The following L3MBTL4 variants were observed in gnomAD, a reference collection of about 807,000 sequenced individuals.
L3MBTL4 encodes the protein L3MBTL histone methyl-lysine binding protein 4.
Under a neutral mutation model 84.5 loss-of-function variants are expected in L3MBTL4, and 70 were observed. That is an observed-to-expected ratio of 0.83 (90% CI 0.68 to 1.01). L3MBTL4 has a LOEUF of 1.01. Ranked by LOEUF, L3MBTL4 falls within the 50% of genes least tolerant of loss-of-function variation. L3MBTL4 has a pLI of 0.00. For synonymous variants in L3MBTL4, 274 were observed against 259.8 expected, an observed-to-expected ratio of 1.05 and a Z score of -0.52; for missense variants, 715 against 754.8, an observed-to-expected ratio of 0.95 and a Z score of 0.62.
chr18:6,246,631 A>G (rs2047675175), intron 5 of L3MBTL4, among the ~76,000 whole-genome samples: 1 of 152,126 alleles, frequency 6.6e-6, no homozygotes, highest in Admixed American at 6.5e-5. Flanking sequence ...GGGGCTGGGC[A>G]CGTGGCTCAT....
At chr18:5,982,054 T>G (rs1190566880) in intron 16 of L3MBTL4, among the ~76,000 whole-genome samples, 1 of 150,198 alleles carries the variant, frequency 6.7e-6, no homozygotes, top group African/African-American at 2.5e-5. Context: ...CTTGAAATGT[T>G]TAAATGGCAG....
At chr18:6,260,921 T>A (rs2048372282) in intron 5 of L3MBTL4, 1 of 152,250 alleles carries the variant, frequency 6.6e-6, no homozygotes, top group South Asian at 2.1e-4. Flanking sequence ...TATTAAAACC[T>A]ATTTTTAACT....
rs143720020 is a variant in L3MBTL4 at position 6,396,383 on chromosome 18, C to A, written c.-91+18418G>T. 2.2e-3 allele frequency: 331 copies of A among 153,348 alleles called. 8 individuals are homozygous for A. The East Asian group carries it at 0.053, about 24-fold the overall frequency. The allele number at this position is 153,348 out of a possible 1,614,324, so 9.5% of individuals were successfully genotyped here. A position where few individuals can be genotyped will look rare whatever the true frequency, so the allele number is the denominator to read the frequency against. On this transcript the variant is annotated intron_variant, in intron 1 of 18. Coordinates refer to ENST00000317931, the MANE Select transcript of L3MBTL4 (RefSeq NM_001330559.2). Reference sequence around the variant, plus strand: ...GTGCCCCTGGCAGGGATGGCACAGCCCCTTCTGCAGCCCAGACACCCGGAG... The same window carrying A: ...GTGCCCCTGGCAGGGATGGCACAGCACCTTCTGCAGCCCAGACACCCGGAG...
At chr18:6,218,432 A>T (rs1443795661) in intron 10 of L3MBTL4, among the ~76,000 whole-genome samples, 1 of 152,122 alleles carries the variant, frequency 6.6e-6, no homozygotes, top group East Asian at 1.9e-4. Context: ...TGACCAGTAC[A>T]TATGGTTGGA....
chr18:6,182,141 C>G (rs2044501832), intron 12 of L3MBTL4, among the ~76,000 whole-genome samples: 1 of 152,214 alleles, frequency 6.6e-6, no homozygotes, highest in Non-Finnish European at 1.5e-5. Context: ...TCCCTTTTCT[C>G]CACAATCTTG....
intron 16 of L3MBTL4, among the ~76,000 whole-genome samples, chr18:6,008,873 T>C (rs756919371): frequency 5.9e-5 from 9 of 152,330 alleles, no homozygotes; most frequent in South Asian, 4.1e-4. Flanking sequence ...GTCTGACGGA[T>C]TGACATAAAC....
chr18:6,414,684 C>T lies in L3MBTL4; in HGVS notation c.-91+117G>A, dbSNP rs1217699340. The T allele has an allele frequency of 6.6e-6, 1 of 152,044 alleles. No homozygotes were observed. The highest frequency in any genetic ancestry group is 1.5e-5 in the Non-Finnish European group (1 of 68,046). 9.4% of individuals were successfully genotyped at this position (152,044 alleles called of 1,614,324 possible). ...GCCCCCACCGGCCCGGCCCTCGCCG[C>T]GGGAGTCGTGCAGGCCCCTCTACCT... On this transcript the variant is annotated intron_variant, in intron 1 of 18. Transcript: ENST00000317931. The surrounding 1 kb of genome is among the most constrained non-coding windows in gnomAD (Gnocchi z 5.4).
chr18:6,264,074 A>G, intron 4 of L3MBTL4, 36 bp from the exon 5 acceptor site: 1 of 1,414,476 alleles, frequency 7.1e-7, no homozygotes, highest in South Asian at 1.2e-5. Flanking sequence ...TCTCAAAATG[A>G]TTAGTGACAG....
At chr18:6,171,610 T>C (rs2043973906) in intron 13 of L3MBTL4, among the ~76,000 whole-genome samples, 1 of 152,230 alleles carries the variant, frequency 6.6e-6, no homozygotes, top group African/African-American at 2.4e-5. Context: ...TGGAAAACAC[T>C]ATCAAAATAA....
At chr18:6,014,771 GAAAC>G (rs2054888549) in intron 16 of L3MBTL4, among the ~76,000 whole-genome samples, 2 of 152,128 alleles carry the variant, frequency 1.3e-5, no homozygotes, top group Non-Finnish European at 2.9e-5. Flanking sequence ...GAATATTGGG[GAAAC>G]TTTGGCGAGC....
rs1160931992 is a variant in L3MBTL4 at position 6,045,575 on chromosome 18, T to C, written c.1444+35306A>G. On this transcript the variant is annotated intron_variant, in intron 16 of 18. Transcript: ENST00000317931. ...GCAAAGACGGTTTGTGCAGGGAATCTCCCATTTTTAAAATCATCAGACCTC... is the reference window on the plus strand; with the variant it reads ...GCAAAGACGGTTTGTGCAGGGAATCCCCCATTTTTAAAATCATCAGACCTC... Among the ~76,000 whole-genome samples the C allele has an allele frequency of 2.0e-5, 3 of 152,200 alleles. 1 individual carries two copies.
Position 6,216,424 on chromosome 18 carries a change from A to G in L3MBTL4, c.785-589T>C, listed in dbSNP as rs1208826021. 2.0e-5 allele frequency among the ~76,000 whole-genome samples: 3 copies of G among 152,084 alleles called. No homozygotes were observed. The East Asian group carries it at 5.8e-4, about 29-fold the overall frequency. On this transcript the variant is annotated intron_variant, in intron 10 of 18. Transcript: ENST00000317931. Reference sequence around the variant, plus strand: ...TCTTTCATTCCTAATTAAATTTGCTAGAGATCTATATAGTATAGTTTTATT... The same window carrying G: ...TCTTTCATTCCTAATTAAATTTGCTGGAGATCTATATAGTATAGTTTTATT...
At chr18:6,077,498 G>A (rs987797999) in intron 16 of L3MBTL4, among the ~76,000 whole-genome samples, 1 of 151,956 alleles carries the variant, frequency 6.6e-6, no homozygotes, top group East Asian at 1.9e-4. Context: ...GAAAATGATG[G>A]GTAGTCTTTA....
chr18:6,062,636 A>G (rs1338578219), intron 16 of L3MBTL4, among the ~76,000 whole-genome samples: 6 of 151,922 alleles, frequency 3.9e-5, no homozygotes, highest in Admixed American at 1.3e-4. Context: ...ATTATCCCAC[A>G]GTTCTCACAG....
chr18:6,009,758 C>T (rs2054652493), intron 16 of L3MBTL4, among the ~76,000 whole-genome samples: 1 of 152,120 alleles, frequency 6.6e-6, no homozygotes, highest in Non-Finnish European at 1.5e-5. Flanking sequence ...TGAATGTTTT[C>T]AGTCAGCAGT....
chr18:6,010,725 T>C (rs2054693862), intron 16 of L3MBTL4, among the ~76,000 whole-genome samples: 1 of 152,238 alleles, frequency 6.6e-6, no homozygotes, highest in Non-Finnish European at 1.5e-5. Context: ...CTAATTTATT[T>C]ATTTATTTTT....
At chr18:6,217,017 A>T (rs1441979332) in intron 10 of L3MBTL4, among the ~76,000 whole-genome samples, 1 of 152,228 alleles carries the variant, frequency 6.6e-6, no homozygotes, top group African/African-American at 2.4e-5. Flanking sequence ...TATTATGCAA[A>T]AATCTGTCCT....
At chr18:6,217,690 T>C (rs2046383800) in intron 10 of L3MBTL4, among the ~76,000 whole-genome samples, 2 of 152,238 alleles carry the variant, frequency 1.3e-5, no homozygotes, top group South Asian at 4.1e-4. Flanking sequence ...TATTTTGATG[T>C]TACATCATTC....
At chr18:6,016,885 CT>C (rs1209852850) in intron 16 of L3MBTL4, among the ~76,000 whole-genome samples, 1 of 152,128 alleles carries the variant, frequency 6.6e-6, no homozygotes, top group Non-Finnish European at 1.5e-5. Flanking sequence ...AGAAAAGACG[CT>C]GTGGAGAGAG....
Sources: allele counts gnomAD v4.1 joint callset (sites outside exome capture counted in the v4.1 genomes callset), GRCh38; gene constraint gnomAD v4.1.1; non-coding constraint Gnocchi (gnomAD v3.1); transcripts MANE v1.5; gene names NCBI Gene and HGNC (gene_info 2026-07-23, HGNC 2026-07-21).